Variants in ALS2 observed in about 807,000 individuals in gnomAD.
ALS2 encodes the protein alsin.
ALS2 carries 117 observed loss-of-function variants against 203.4 expected under a neutral mutation model. The observed-to-expected ratio is 0.58, with a 90% CI of 0.50 to 0.67. The LOEUF is 0.67. ALS2 is among the 30% of genes least tolerant of loss of function. The pLI is 0.00. For missense variants in ALS2, 1,715 were observed against 1,989.4 expected (o/e 0.86, Z 2.62); for synonymous variants, 718 against 725.9 (o/e 0.99, Z 0.17).
chr2:201,765,618 C>T (rs1341772285), intron 3 of ALS2: 2 of 166,666 alleles, frequency 1.2e-5, no homozygotes, highest in African/African-American at 4.8e-5. Context: ...AAAGAAAATA[C>T]CAAAGCATTA....
chr2:201,757,414 A>G lies in ALS2; in HGVS notation c.1459T>C (p.Leu487=). 6.2e-7 allele frequency: 1 copy of G among 1,613,938 alleles called. No individual in the cohort carries two copies. The highest frequency in any genetic ancestry group is 8.5e-7 in the Non-Finnish European group (1 of 1,179,788). ...GGSRRLSLPG[L]LSQVSPRLLR... ...GTTATTTCCTTACCTTGTGACAACA[A>G]TCCAGGGAGGGAGAGTCTTCGACTG... The change falls in exon 5 of 34, where the codon TTG becomes CTG. Residue 487 remains leucine (L), a synonymous_variant. Coordinates refer to ENST00000264276, the MANE Select transcript of ALS2 (RefSeq NM_020919.4).
At chr2:201,745,943 A>C (rs1380506430) in intron 9 of ALS2, among the ~76,000 whole-genome samples, 1 of 152,084 alleles carries the variant, frequency 6.6e-6, no homozygotes, top group Non-Finnish European at 1.5e-5. Context: ...AGCAAGACTC[A>C]GTCTCAAAAA....
intron 26 of ALS2, among the ~76,000 whole-genome samples, chr2:201,710,610 A>G (rs1689975967): frequency 6.6e-6 from 1 of 152,162 alleles, no homozygotes; most frequent in African/African-American, 2.4e-5. Flanking sequence ...CTTCCCATCA[A>G]TATACATCAC....
chr2:201,774,320 G>T (rs1694556582), intron 1 of ALS2, among the ~76,000 whole-genome samples: 1 of 152,146 alleles, frequency 6.6e-6, no homozygotes, highest in Non-Finnish European at 1.5e-5. Flanking sequence ...AAGAAGAAAG[G>T]TCTACGTTTT....
intron 7 of ALS2, among the ~76,000 whole-genome samples, chr2:201,750,977 C>A (rs1693006561): frequency 6.6e-6 from 1 of 151,798 alleles, no homozygotes; most frequent in African/African-American, 2.4e-5. Context: ...CTCAGCCTTC[C>A]AAGTAGCTAG....
At chr2:201,741,414 A>G (rs1190992559) in intron 11 of ALS2, 2 of 410,596 alleles carry the variant, frequency 4.9e-6, no homozygotes, top group African/African-American at 4.0e-5. Flanking sequence ...ATTATAGTAC[A>G]TTTAATGTAA....
chr2:201,769,046 GAAAT>G (rs1224167610), intron 1 of ALS2, 101 bp from the exon 2 acceptor site: 1 of 582,444 alleles, frequency 1.7e-6, no homozygotes, highest in South Asian at 2.4e-5. Context: ...CATTCACTAG[GAAAT>G]AAATATGCAG....
chr2:201,740,285 C>T (rs970379125), intron 11 of ALS2, among the ~76,000 whole-genome samples: 14 of 152,114 alleles, frequency 9.2e-5, no homozygotes, highest in Non-Finnish European at 1.5e-4. Flanking sequence ...TGTAATGGTG[C>T]CACTGCACTC....
In ALS2 at chr2:201,711,062, C is replaced by G; in HGVS notation, c.4051G>C (p.Glu1351Gln). The change falls in exon 26 of 34, where the codon GAA (glutamate) becomes CAA (glutamine). Residue 1351 changes from glutamate to glutamine, a missense_variant. Glu to Gln is a conservative substitution (Grantham distance 29). Around this residue, in one of 3 missense-constraint regions of ALS2, gnomAD observed 1,227 missense variants for 1,413.5 expected, o/e 0.87. Coordinates refer to ENST00000264276, the MANE Select transcript of ALS2 (RefSeq NM_020919.4). ...RSQTQTLESL[E>Q]FIPQHVGAFS... ...GCACCAACATGCTGTGGAATGAATT[C>G]CAAACTCTCTAGTGTCTGAGTCTGT... 6.2e-7 allele frequency: 1 copy of G among 1,612,744 alleles called. No homozygotes were observed. The highest frequency in any genetic ancestry group is 8.5e-7 in the Non-Finnish European group (1 of 1,179,012).
chr2:201,773,441 T>C (rs1446495191), intron 1 of ALS2, among the ~76,000 whole-genome samples: 2 of 152,092 alleles, frequency 1.3e-5, no homozygotes, highest in Non-Finnish European at 2.9e-5. Flanking sequence ...GAGAAGCAGG[T>C]ATCAGAAATG....
At position 201,751,731 on chromosome 2, in the gene ALS2, A is replaced by T. The variant is rs1049194499; in HGVS notation, c.1737+1415T>A. Among the ~76,000 whole-genome samples, 3 of 152,306 alleles carry T rather than the reference A, an allele frequency of 2.0e-5. No homozygotes were observed. The East Asian group carries it at 5.8e-4, about 29-fold the overall frequency. On this transcript the variant is annotated intron_variant, in intron 7 of 33. Coordinates refer to ENST00000264276, the MANE Select transcript of ALS2 (RefSeq NM_020919.4). Reference sequence around the variant, plus strand: ...TGTTATGTCTTTTTCTATGCCTAAAAGACTCATCTTAATTTGTTCATACAC... The same window carrying T: ...TGTTATGTCTTTTTCTATGCCTAAATGACTCATCTTAATTTGTTCATACAC...
chr2:201,707,771 A>C, intron 28 of ALS2, 98 bp downstream of exon 28: 1 of 1,489,268 alleles, frequency 6.7e-7, no homozygotes, highest in Middle Eastern at 1.8e-4. Context: ...GAAATGAGGA[A>C]ATAGATCTAG....
intron 26 of ALS2, among the ~76,000 whole-genome samples, 187 bp from the exon 27 acceptor site, chr2:201,710,225 A>T (rs1689955928): frequency 6.6e-6 from 1 of 152,192 alleles, no homozygotes; most frequent in Non-Finnish European, 1.5e-5. Flanking sequence ...ATGAAGCTGG[A>T]GTTCCTAATC....
intron 4 of ALS2, among the ~76,000 whole-genome samples, chr2:201,758,755 T>TGCGC (rs772014038): frequency 0.031 from 2,478 of 80,292 alleles, 27 homozygotes; most frequent in African/African-American, 0.034. Context: ...TGTGTGTGTG[T>TGCGC]GCGCATGTGT....
At chr2:201,709,767 AT>A in intron 27 of ALS2, 113 bp downstream of exon 27, 1 of 1,292,808 alleles carries the variant, frequency 7.7e-7, no homozygotes, top group African/African-American at 1.5e-5. Flanking sequence ...TACTTAATCT[AT>A]TAAAGGACTG....
At chr2:201,753,705 G>A (rs1186832274) in intron 6 of ALS2, among the ~76,000 whole-genome samples, 1 of 152,044 alleles carries the variant, frequency 6.6e-6, no homozygotes, top group Non-Finnish European at 1.5e-5. Context: ...TAAACAAAAT[G>A]CCAGTTTTAC....
At chr2:201,732,706 G>A (rs1326767074) in intron 13 of ALS2, among the ~76,000 whole-genome samples, 1 of 152,188 alleles carries the variant, frequency 6.6e-6, no homozygotes, top group East Asian at 1.9e-4. Context: ...AATGTCTCAG[G>A]ACCAGTTTTA....
intron 13 of ALS2, among the ~76,000 whole-genome samples, chr2:201,731,683 AC>A (rs11294900): frequency 0.086 from 13,030 of 152,158 alleles, 628 homozygotes; most frequent in Middle Eastern, 0.12. Flanking sequence ...CTAAATTATA[AC>A]GTATAGTGAT....
intron 1 of ALS2, among the ~76,000 whole-genome samples, chr2:201,780,560 A>AG (rs774628295): frequency 6.6e-6 from 1 of 152,154 alleles, no homozygotes; most frequent in Non-Finnish European, 1.5e-5. Flanking sequence ...AGGCGGGAAG[A>AG]GGGGGCTTGA....
Sources: gnomAD v4.1 joint callset for allele counts (sites outside exome capture counted in the v4.1 genomes callset) on GRCh38, gnomAD v4.1.1 for gene constraint, gnomAD v4.1.1 regional missense constraint, MANE v1.5 for transcripts, NCBI Gene and HGNC (gene_info 2026-07-23, HGNC 2026-07-21) for gene names.